SSH1: variants seen among roughly 807,000 people sequenced by gnomAD.
SSH1 encodes the protein protein phosphatase Slingshot homolog 1.
SSH1 carries 43 observed loss-of-function variants against 79.7 expected under a neutral mutation model. The observed-to-expected ratio is 0.54, with a 90% confidence interval of 0.42 to 0.70. SSH1 has a LOEUF of 0.70. Ranked by LOEUF, SSH1 falls within the 30% of genes least tolerant of loss-of-function variation. The probability of loss-of-function intolerance (pLI) is 0.00; values close to 1 mark genes in which losing one functional copy is unlikely to be tolerated. For synonymous variants in SSH1, 599 were observed against 538.3 expected, an observed-to-expected ratio of 1.11 and a Z score of -1.56; for missense variants, 1,206 against 1,358.8, an observed-to-expected ratio of 0.89 and a Z score of 1.77.
chr12:108,809,664 G>C, intron 7 of SSH1, 29 bp downstream of exon 7: 2 of 1,581,668 alleles, frequency 1.3e-6, no homozygotes, highest in South Asian at 1.1e-5. Context: ...TATTTCTAGG[G>C]AGTTAAAAGT....
At chr12:108,827,303 T>C (rs2038348406) in intron 2 of SSH1, 1 of 1,550,974 alleles carries the variant, frequency 6.4e-7, no homozygotes, top group Non-Finnish European at 8.7e-7. Flanking sequence ...AAGCAGTGGG[T>C]TGGCTGAAGG....
In SSH1 at chr12:108,809,726, T is replaced by C; in HGVS notation, c.503A>G (p.His168Arg). Reference sequence around the variant, plus strand: ...CTGGACAGACACAGGCTTAAATATGTGCATCCTTCCTGCTGTGCTCACGCT... The same window carrying C: ...CTGGACAGACACAGGCTTAAATATGCGCATCCTTCCTGCTGTGCTCACGCT... ...GFSVSTAGRM[H>R]IFKPVSVQAM... Residue 168 changes from histidine to arginine, a missense_variant, in exon 7 of 15, where the codon CAC becomes CGC. Physicochemically the swap from His to Arg is conservative, Grantham distance 29. Around this residue, in one of 5 missense-constraint regions of SSH1, gnomAD observed 115 missense variants for 173.9 expected, o/e 0.66. Coordinates refer to ENST00000326495, the MANE Select transcript of SSH1 (RefSeq NM_018984.4). The C allele has an allele frequency of 6.2e-7, 1 of 1,614,054 alleles. No homozygotes were observed. The highest frequency in any genetic ancestry group is 8.5e-7 in the Non-Finnish European group (1 of 1,179,952).
chr12:108,836,873 C>G (rs749478110), intron 2 of SSH1: 3 of 529,428 alleles, frequency 5.7e-6, no homozygotes, highest in South Asian at 4.2e-5. Context: ...TGGAATCACA[C>G]AAGAACATCA....
intron 2 of SSH1, among the ~76,000 whole-genome samples, chr12:108,824,812 T>C (rs1342546233): frequency 2.6e-5 from 4 of 152,206 alleles, no homozygotes; most frequent in Non-Finnish European, 5.9e-5. Flanking sequence ...GTCTGGCTTT[T>C]GCAAAAATTA....
At chr12:108,831,439 G>A (rs564324685) in intron 2 of SSH1, among the ~76,000 whole-genome samples, 1 of 152,280 alleles carries the variant, frequency 6.6e-6, no homozygotes, top group Non-Finnish European at 1.5e-5. Context: ...CAGTGCTAAG[G>A]CCTGAGAATT....
chr12:108,808,339 G>T (rs1038281555), intron 7 of SSH1, among the ~76,000 whole-genome samples: 1 of 152,230 alleles, frequency 6.6e-6, no homozygotes, highest in Non-Finnish European at 1.5e-5. Flanking sequence ...GCCAGGACAC[G>T]GAGCTAGTCC....
intron 2 of SSH1, among the ~76,000 whole-genome samples, chr12:108,841,031 T>C (rs932806446): frequency 6.6e-6 from 1 of 152,258 alleles, no homozygotes; most frequent in African/African-American, 2.4e-5. Flanking sequence ...TTGGTGGGTC[T>C]GAGGACTCAT....
At chr12:108,795,001 C>G (rs2136999936) in intron 13 of SSH1, among the ~76,000 whole-genome samples, 1 of 152,282 alleles carries the variant, frequency 6.6e-6, no homozygotes, top group Middle Eastern at 3.4e-3. Flanking sequence ...CAGATGAAGG[C>G]ATACATGACT....
intron 1 of SSH1, chr12:108,853,234 T>C: frequency 1.0e-6 from 1 of 985,398 alleles, no homozygotes. Context: ...ATACGAAACA[T>C]CCTAGGCTAT....
chr12:108,808,233 C>T (rs1432332826), intron 7 of SSH1, among the ~76,000 whole-genome samples: 2 of 152,148 alleles, frequency 1.3e-5, no homozygotes, highest in Admixed American at 6.5e-5. Context: ...CCACCATGCC[C>T]GGCTGAGAAG....
chr12:108,812,581 C>T (rs138285813), intron 5 of SSH1, among the ~76,000 whole-genome samples: 1 of 152,322 alleles, frequency 6.6e-6, no homozygotes, highest in East Asian at 1.9e-4. Flanking sequence ...ATGAGACTGC[C>T]CATGGGAAAT....
In SSH1 at chr12:108,786,823, G is replaced by A. The variant is rs1275229723; in HGVS notation, c.*1165C>T. On this transcript the variant is annotated 3_prime_UTR_variant, in exon 15 of 15. Coordinates refer to ENST00000326495, the MANE Select transcript of SSH1 (RefSeq NM_018984.4). ...TAGCTTGCTGACACCTTTGATTCAA[G>A]CCTGGCGCAGCGGGACTGGCTGAGC... 3 of 152,212 alleles carry A rather than the reference G, an allele frequency of 2.0e-5. No homozygotes were observed. 9.4% of individuals were successfully genotyped at this position (152,212 alleles called of 1,614,324 possible).
At chr12:108,850,819 G>T (rs2039022442) in intron 2 of SSH1, among the ~76,000 whole-genome samples, 1 of 143,262 alleles carries the variant, frequency 7.0e-6, no homozygotes, top group African/African-American at 2.6e-5. Context: ...AGGAGAACAG[G>T]TGGAGAGAGG....
In SSH1 at chr12:108,806,289, G is replaced by T. The variant is rs200454447; in HGVS notation, c.825+12C>A. 8.2e-5 allele frequency: 133 copies of T among 1,612,258 alleles called. No individual in the cohort carries two copies. The highest frequency in any genetic ancestry group is 3.3e-4 in the Middle Eastern group (2 of 6,078). The stretch of plus-strand genomic sequence containing the variant: ...GACCTCTGACCTGCAATGAAGGGAG[G>T]AGTTGTCTTACCTCTTTGGAAGTCA... On this transcript the variant is annotated intron_variant, in intron 9 of 14. Transcript: ENST00000326495.
intron 5 of SSH1, among the ~76,000 whole-genome samples, chr12:108,814,640 G>A (rs1207417100): frequency 2.0e-5 from 3 of 152,174 alleles, no homozygotes; most frequent in Admixed American, 1.3e-4. Flanking sequence ...CATCTTGGGT[G>A]GCCTCTCAAC....
intron 2 of SSH1, among the ~76,000 whole-genome samples, chr12:108,830,165 A>T (rs2038438533): frequency 6.6e-6 from 1 of 151,714 alleles, no homozygotes; most frequent in Non-Finnish European, 1.5e-5. Flanking sequence ...ATCAAATAAC[A>T]TCATGGCCAG....
chr12:108,839,033 C>A (rs1475386312), intron 2 of SSH1, among the ~76,000 whole-genome samples: 1 of 152,150 alleles, frequency 6.6e-6, no homozygotes, highest in African/African-American at 2.4e-5. Context: ...TGTTTCAAAT[C>A]CTTTTTGGAG....
intron 1 of SSH1, among the ~76,000 whole-genome samples, chr12:108,854,308 C>A (rs1184420326): frequency 6.6e-6 from 1 of 152,088 alleles, no homozygotes; most frequent in Non-Finnish European, 1.5e-5. Context: ...CTGGTCCAAT[C>A]CAAAAAAGTG....
In SSH1 at chr12:108,857,451, A is replaced by G; in HGVS notation, c.46T>C (p.Ser16Pro). ...LQRSPTPSAA[S>P]SSASNSELEA... ...ACCTCGCTGTTGCTGGCCGAGGAGG[A>G]GGCGGCGCTGGGCGTGGGCGAGCGC... Residue 16 changes from serine (S) to proline (P), a missense_variant, in exon 1 of 15, where the codon TCC becomes CCC. This residue lies in a region of SSH1 where 100 missense variants were observed against 82.3 expected (regional missense o/e 1.21). Coordinates refer to ENST00000326495, the MANE Select transcript of SSH1 (RefSeq NM_018984.4). This position sits in a 1 kb window ranked among gnomAD's most constrained non-coding sequence, Gnocchi z 4.7. 1 of 1,116,496 alleles carries G rather than the reference A, an allele frequency of 9.0e-7. No individual in the cohort carries two copies. The highest frequency in any genetic ancestry group is 1.1e-6 in the Non-Finnish European group (1 of 897,524). The allele number at this position is 1,116,496 out of a possible 1,614,324, so 69.2% of individuals were successfully genotyped here.
Sources: allele counts gnomAD v4.1 joint callset (sites outside exome capture counted in the v4.1 genomes callset), GRCh38; gene constraint gnomAD v4.1.1; regional missense constraint gnomAD v4.1.1; non-coding constraint Gnocchi (gnomAD v3.1); transcripts MANE v1.5; gene names NCBI Gene and HGNC (gene_info 2026-07-23, HGNC 2026-07-21).